The following ARHGAP26 variants were observed in gnomAD, a reference collection of about 807,000 sequenced individuals.
ARHGAP26 encodes the protein rho GTPase-activating protein 26.
A neutral mutation model predicts 104.8 loss-of-function variants in ARHGAP26; 38 were observed. The observed-to-expected ratio is 0.36, with a 90% confidence interval of 0.28 to 0.48. The LOEUF is 0.48. Ranked by LOEUF, ARHGAP26 falls within the 20% of genes least tolerant of loss-of-function variation. The pLI is 0.99. For missense variants in ARHGAP26, 704 were observed against 947.9 expected (o/e 0.74, Z 3.38); for synonymous variants, 341 against 340.0 (o/e 1.00, Z -0.03).
At chr5:143,119,400 A>AGC (rs1795869903) in intron 17 of ARHGAP26, among the ~76,000 whole-genome samples, 1 of 152,130 alleles carries the variant, frequency 6.6e-6, no homozygotes, top group Non-Finnish European at 1.5e-5. Flanking sequence ...CACACAGAGG[A>AGC]GCTGATGTTG....
intron 13 of ARHGAP26, among the ~76,000 whole-genome samples, chr5:143,039,802 A>C (rs1314493347): frequency 3.3e-5 from 5 of 152,228 alleles, no homozygotes; most frequent in Admixed American, 2.6e-4. Context: ...ATGTAAAACT[A>C]CAAAATAAAT....
intron 12 of ARHGAP26, among the ~76,000 whole-genome samples, chr5:143,031,400 A>G (rs994945326): frequency 3.9e-5 from 6 of 152,216 alleles, no homozygotes; most frequent in Admixed American, 6.5e-5. Context: ...GCAACAGATG[A>G]TTGAGGTAGG....
At chr5:143,136,628 G>T (rs1236086225) in intron 19 of ARHGAP26, among the ~76,000 whole-genome samples, 1 of 152,176 alleles carries the variant, frequency 6.6e-6, no homozygotes, top group Non-Finnish European at 1.5e-5. Flanking sequence ...CTGTGGGGGG[G>T]CAGTGGGAGA....
At chr5:143,141,668 C>G (rs963043802) in intron 19 of ARHGAP26, among the ~76,000 whole-genome samples, 1 of 152,194 alleles carries the variant, frequency 6.6e-6, no homozygotes, top group African/African-American at 2.4e-5. Flanking sequence ...GCCGTCTGTA[C>G]GTGGACTCCC....
intron 20 of ARHGAP26, among the ~76,000 whole-genome samples, chr5:143,149,036 G>A (rs1376573762): frequency 6.6e-6 from 1 of 152,158 alleles, no homozygotes; most frequent in East Asian, 1.9e-4. Context: ...AAAAGGGGAG[G>A]TGTGTCTTTT....
At chr5:142,864,629 C>T (rs78689620) in intron 1 of ARHGAP26, among the ~76,000 whole-genome samples, 138 of 152,308 alleles carry the variant, frequency 9.1e-4, no homozygotes, top group Non-Finnish European at 1.4e-3. Flanking sequence ...TTAAGATTCT[C>T]CTTTGGTTGA....
intron 1 of ARHGAP26, among the ~76,000 whole-genome samples, chr5:142,840,361 T>C (rs1425332560): frequency 2.6e-5 from 4 of 152,244 alleles, no homozygotes; most frequent in African/African-American, 4.8e-5. Flanking sequence ...TTGGTTATTT[T>C]TTTCTTTTAG....
intron 1 of ARHGAP26, among the ~76,000 whole-genome samples, chr5:142,783,529 G>T (rs1757937843): frequency 6.6e-6 from 1 of 150,394 alleles, no homozygotes; most frequent in Non-Finnish European, 1.5e-5. Flanking sequence ...TGGTTGAGCT[G>T]TTGCACAGCA....
chr5:143,012,756 C>A (rs200424836), intron 11 of ARHGAP26, among the ~76,000 whole-genome samples: 1 of 149,518 alleles, frequency 6.7e-6, no homozygotes, highest in East Asian at 1.9e-4. Context: ...TGGGTTCATG[C>A]CATTCTCCTG....
At chr5:143,046,995 G>A (rs1337262573) in intron 14 of ARHGAP26, among the ~76,000 whole-genome samples, 3 of 152,200 alleles carry the variant, frequency 2.0e-5, no homozygotes, top group Non-Finnish European at 4.4e-5. Flanking sequence ...TGAACTCACT[G>A]TGCAGATATT....
chr5:143,094,334 C>T (rs1439275582), intron 17 of ARHGAP26, among the ~76,000 whole-genome samples: 3 of 152,168 alleles, frequency 2.0e-5, no homozygotes, highest in African/African-American at 7.2e-5. Flanking sequence ...AGCTAGGTTG[C>T]TGGTCAGTTT....
At chr5:142,792,990 G>A (rs1001831666) in intron 1 of ARHGAP26, among the ~76,000 whole-genome samples, 1 of 152,220 alleles carries the variant, frequency 6.6e-6, no homozygotes, top group Non-Finnish European at 1.5e-5. Context: ...TTTGGCCAGT[G>A]TGGGGCAGAC....
intron 12 of ARHGAP26, among the ~76,000 whole-genome samples, chr5:143,029,085 A>G (rs1234124170): frequency 6.6e-6 from 1 of 152,150 alleles, no homozygotes; most frequent in African/African-American, 2.4e-5. Flanking sequence ...GGGGCTTCAC[A>G]TGATTAGGGG....
intron 20 of ARHGAP26, chr5:143,165,995 C>T (rs955655520): frequency 4.8e-5 from 63 of 1,303,574 alleles, no homozygotes; most frequent in East Asian, 1.8e-4. Context: ...AGTTACCTGC[C>T]GTAATTATGG....
chr5:143,054,636 G>C (rs1489175361), intron 15 of ARHGAP26, 110 bp downstream of exon 15: 4 of 715,922 alleles, frequency 5.6e-6, no homozygotes, highest in Non-Finnish European at 9.3e-6. Flanking sequence ...TGTTTGAGAT[G>C]TGGAAACAGC....
At chr5:143,206,389 C>T (rs1027863788) in intron 20 of ARHGAP26, among the ~76,000 whole-genome samples, 1 of 152,244 alleles carries the variant, frequency 6.6e-6, no homozygotes, top group East Asian at 1.9e-4. Context: ...TTAAAATCCA[C>T]AAGCCACGTT....
At chr5:143,177,221 C>G (rs1169510425) in intron 20 of ARHGAP26, among the ~76,000 whole-genome samples, 1 of 152,054 alleles carries the variant, frequency 6.6e-6, no homozygotes, top group East Asian at 1.9e-4. Flanking sequence ...TCCCAAGTGT[C>G]TTTTTCACTA....
At chr5:142,940,763 T>C (rs1006639742) in intron 11 of ARHGAP26, among the ~76,000 whole-genome samples, 2 of 152,174 alleles carry the variant, frequency 1.3e-5, no homozygotes, top group African/African-American at 4.8e-5. Flanking sequence ...AGTGAACATA[T>C]GCATGTATAT....
intron 9 of ARHGAP26, among the ~76,000 whole-genome samples, chr5:142,910,405 G>A (rs10051655): frequency 0.015 from 2,314 of 152,260 alleles, 69 homozygotes; most frequent in African/African-American, 0.053. Context: ...TCTCGATTGT[G>A]TAGAGGAATC....
Sources: allele counts gnomAD v4.1 joint callset (sites outside exome capture counted in the v4.1 genomes callset), GRCh38; gene constraint gnomAD v4.1.1; transcripts MANE v1.5; gene names NCBI Gene and HGNC (gene_info 2026-07-23, HGNC 2026-07-21).